NTRK3: variants seen among roughly 807,000 people sequenced by gnomAD.
NTRK3 encodes NT-3 growth factor receptor.
NTRK3 carries 24 observed loss-of-function variants against 91.7 expected under a neutral mutation model. The observed-to-expected ratio is 0.26, with a 90% CI of 0.19 to 0.37. The LOEUF (loss-of-function observed/expected upper bound fraction) is 0.37. Among genes scored for constraint, NTRK3 ranks in the 10% least tolerant of loss-of-function variants. NTRK3 has a pLI of 1.00. For synonymous variants in NTRK3, 483 were observed against 404.0 expected (o/e 1.20, Z -2.34); for missense variants, 880 against 1,068.9 (o/e 0.82, Z 2.46).
At chr15:88,136,841 G>A (rs1356576395) in intron 7 of NTRK3, among the ~76,000 whole-genome samples, 1 of 152,218 alleles carries the variant, frequency 6.6e-6, no homozygotes, top group Non-Finnish European at 1.5e-5. Flanking sequence ...CATTGCAGCG[G>A]CAGGTTGCGG....
intron 13 of NTRK3, among the ~76,000 whole-genome samples, chr15:88,078,574 C>T (rs1208671812): frequency 2.0e-5 from 3 of 152,160 alleles, no homozygotes; most frequent in East Asian, 1.9e-4. Flanking sequence ...CACTTGAACC[C>T]GGGAGGTGGA....
intron 3 of NTRK3, among the ~76,000 whole-genome samples, chr15:88,219,995 A>C (rs2141559995): frequency 6.6e-6 from 1 of 152,354 alleles, no homozygotes; most frequent in Middle Eastern, 3.4e-3. Flanking sequence ...CCAAAGATGC[A>C]GCTATCGACT....
At chr15:87,964,101 C>T (rs7170976) in intron 14 of NTRK3, among the ~76,000 whole-genome samples, 72,558 of 151,956 alleles carry the variant, frequency 0.48, 19,508 homozygotes, top group African/African-American at 0.74. Context: ...GTATGTATGA[C>T]ACAGCTGCAG....
chr15:87,933,774 T>C (rs1437273780), intron 15 of NTRK3, among the ~76,000 whole-genome samples: 1 of 152,096 alleles, frequency 6.6e-6, no homozygotes. Flanking sequence ...CAATAGGGGT[T>C]TGGAGGAAGC....
At chr15:88,131,564 T>C (rs1372596812) in intron 10 of NTRK3, among the ~76,000 whole-genome samples, 1 of 152,142 alleles carries the variant, frequency 6.6e-6, no homozygotes, top group African/African-American at 2.4e-5. Context: ...ATGGAGGAAA[T>C]GGAAGCTCTA....
chr15:87,990,073 C>G (rs1275316525), intron 14 of NTRK3, among the ~76,000 whole-genome samples: 1 of 152,082 alleles, frequency 6.6e-6, no homozygotes, highest in Non-Finnish European at 1.5e-5. Context: ...AAACCAAATC[C>G]TATAATAATG....
chr15:87,999,458 T>C (rs912954717), intron 14 of NTRK3, among the ~76,000 whole-genome samples: 2 of 152,262 alleles, frequency 1.3e-5, no homozygotes, highest in African/African-American at 2.4e-5. Flanking sequence ...TCATCTTTGT[T>C]GCATTACATT....
intron 3 of NTRK3, among the ~76,000 whole-genome samples, chr15:88,251,256 G>C (rs1037324050): frequency 6.6e-6 from 1 of 152,212 alleles, no homozygotes; most frequent in Non-Finnish European, 1.5e-5. Flanking sequence ...CCATCACAAG[G>C]ATCACTGCCA....
chr15:88,155,427 C>G (rs1219988431), intron 5 of NTRK3, among the ~76,000 whole-genome samples: 4 of 152,202 alleles, frequency 2.6e-5, no homozygotes, highest in African/African-American at 9.6e-5. Context: ...CCTCCCTACA[C>G]TTTGACTGTA....
intron 11 of NTRK3, among the ~76,000 whole-genome samples, chr15:88,127,979 G>A (rs930086443): frequency 7.2e-5 from 11 of 152,154 alleles, no homozygotes; most frequent in African/African-American, 2.2e-4. Flanking sequence ...TAAGGCTGAA[G>A]ACAACTAAAG....
At chr15:88,216,671 T>C (rs1353501129) in intron 3 of NTRK3, among the ~76,000 whole-genome samples, 1 of 152,128 alleles carries the variant, frequency 6.6e-6, no homozygotes, top group Non-Finnish European at 1.5e-5. Context: ...ATGAGGCACA[T>C]CCCCTGTGGT....
At chr15:87,889,844 A>G (rs1236862600) in intron 17 of NTRK3, among the ~76,000 whole-genome samples, 3 of 151,570 alleles carry the variant, frequency 2.0e-5, no homozygotes, top group Non-Finnish European at 4.4e-5. Flanking sequence ...TTTTCAAGTG[A>G]TTTTTGAAAG....
Position 88,255,941 on chromosome 15 carries a change from G to A in NTRK3, c.213C>T (p.Ile71=), listed in dbSNP as rs2054015947. Residue 71 remains isoleucine (I), a synonymous_variant, in exon 3 of 19, where the codon ATC becomes ATT. Transcript: ENST00000394480. The surrounding 1 kb of genome is among the most constrained non-coding windows in gnomAD (Gnocchi z 4.3). ...TATTCCTTGAGATGTCCGTGATGTT[G>A]ATACTGGCGTTCCCATTGCTGTTCC... is the stretch of plus-strand genomic sequence containing the variant. The A allele has an allele frequency of 6.2e-7, 1 of 1,613,446 alleles. No homozygotes were observed.
chr15:87,906,537 CA>C (rs1460897583), intron 17 of NTRK3, among the ~76,000 whole-genome samples: 2 of 152,208 alleles, frequency 1.3e-5, no homozygotes, highest in South Asian at 2.1e-4. Flanking sequence ...TCCAGTGCCA[CA>C]GCCACCTGGT....
intron 13 of NTRK3, among the ~76,000 whole-genome samples, chr15:88,112,148 C>T (rs1489867981): frequency 3.9e-5 from 6 of 152,212 alleles, no homozygotes; most frequent in East Asian, 3.9e-4. Context: ...CCTCGTGATC[C>T]GCCCGCCTTG....
intron 14 of NTRK3, among the ~76,000 whole-genome samples, chr15:87,976,280 G>A (rs1414053610): frequency 6.6e-6 from 1 of 152,130 alleles, no homozygotes; most frequent in Non-Finnish European, 1.5e-5. Context: ...GAGAGCAGGA[G>A]CTTCCATTTG....
chr15:87,874,018 C>T (rs1432604798), exon 19 of NTRK3: 2 of 228,120 alleles, frequency 8.8e-6, no homozygotes, highest in Non-Finnish European at 1.7e-5. Context: ...CTAGAAGGGG[C>T]CAGAGATTAG....
chr15:88,231,298 T>C (rs151309150), intron 3 of NTRK3, among the ~76,000 whole-genome samples: 169 of 152,248 alleles, frequency 1.1e-3, no homozygotes, highest in African/African-American at 3.8e-3. Flanking sequence ...TTGAAATATA[T>C]TTCCTCTCCG....
At chr15:87,863,324 C>T (rs576274971) in exon 19 of NTRK3, 1 of 226,886 alleles carries the variant, frequency 4.4e-6, no homozygotes, top group South Asian at 1.8e-4. Context: ...CCTTCCTAGT[C>T]TGGGAGGTCA....
Sources: gnomAD v4.1 joint callset for allele counts (sites outside exome capture counted in the v4.1 genomes callset) on GRCh38, gnomAD v4.1.1 for gene constraint, Gnocchi (gnomAD v3.1) non-coding constraint, MANE v1.5 for transcripts, NCBI Gene and HGNC (gene_info 2026-07-23, HGNC 2026-07-21) for gene names.